Variants in CASZ1 observed in about 807,000 individuals in gnomAD.
CASZ1 encodes zinc finger protein castor homolog 1.
A neutral mutation model predicts 135.2 loss-of-function variants in CASZ1; 28 were observed. That is an observed-to-expected ratio of 0.21 (90% CI 0.15 to 0.28). The LOEUF (loss-of-function observed/expected upper bound fraction) is 0.28. Among genes scored for constraint, CASZ1 ranks in the 10% least tolerant of loss-of-function variants. CASZ1 has a pLI of 1.00. For missense variants in CASZ1, 2,161 were observed against 2,453.3 expected (o/e 0.88, Z 2.52); for synonymous variants, 1,068 against 1,073.4 (o/e 0.99, Z 0.10).
chr1:10,649,606 A>T, intron 13 of CASZ1, 169 bp from the exon 14 acceptor site: 2 of 736,660 alleles, frequency 2.7e-6, no homozygotes, highest in Non-Finnish European at 4.3e-6. Flanking sequence ...GCCCTCTCTG[A>T]ACAGAGAGCC....
At chr1:10,796,117 C>T (rs1443244249) in intron 1 of CASZ1, among the ~76,000 whole-genome samples, 2 of 151,930 alleles carry the variant, frequency 1.3e-5, no homozygotes, top group Non-Finnish European at 2.9e-5. Flanking sequence ...AGATCACCTG[C>T]CCCCCCGGGA....
At chr1:10,652,519 C>T (rs926827747) in intron 11 of CASZ1, 2 of 152,260 alleles carry the variant, frequency 1.3e-5, no homozygotes, top group East Asian at 1.9e-4. Context: ...CAAATAGGAA[C>T]TACCCAGAGC....
chr1:10,743,551 A>G (rs924554939), intron 2 of CASZ1, among the ~76,000 whole-genome samples: 2 of 150,386 alleles, frequency 1.3e-5, no homozygotes, highest in African/African-American at 2.4e-5. Flanking sequence ...CGGCAACAGG[A>G]ACAGAGTTGA....
chr1:10,660,647 C>T (rs1463926695), intron 5 of CASZ1, 111 bp from the exon 6 acceptor site: 8 of 736,676 alleles, frequency 1.1e-5, no homozygotes, highest in East Asian at 8.1e-5. Context: ...TGGGGAGGGG[C>T]GGAGCAGGAC....
In CASZ1 at chr1:10,701,526, GGGA is replaced by G. The variant is rs143171928; in HGVS notation, c.-24+3963_-24+3965del. On this transcript the variant is annotated intron_variant, in intron 3 of 20. Coordinates refer to ENST00000377022, the MANE Select transcript of CASZ1 (RefSeq NM_001079843.3). The surrounding 1 kb of genome is among the most constrained non-coding windows in gnomAD (Gnocchi z 6.3). ...TCGCCCTTCAGAGTGATGGAGTGATGGGAGGAGGGGGGGCGCGGTCAGAAGAAG... is the reference window on the plus strand; with the variant it reads ...TCGCCCTTCAGAGTGATGGAGTGATGGGAGGGGGGGCGCGGTCAGAAGAAG... Among the ~76,000 whole-genome samples, 414 of 152,280 alleles carry G rather than the reference GGGA, an allele frequency of 2.7e-3. 14 individuals carry two copies. In the East Asian group the frequency reaches 0.078, roughly 29 times the overall value.
rs1295591452 is a variant in CASZ1 at position 10,709,720 on chromosome 1, G to A, written c.-76-4176C>T. Among the ~76,000 whole-genome samples the A allele has an allele frequency of 6.6e-6, 1 of 152,204 alleles. No individual in the cohort carries two copies. The highest frequency in any genetic ancestry group is 1.5e-5 in the Non-Finnish European group (1 of 68,032). ...TGGGGAGAGAAAGGCCCCAGGCAGG[G>A]GCTGAGCAGTGCCCCGGGCAGTGCC... On this transcript the variant is annotated intron_variant, in intron 2 of 20. Transcript: ENST00000377022. This position sits in a 1 kb window ranked among gnomAD's most constrained non-coding sequence, Gnocchi z 5.1.
At chr1:10,742,684 G>A (rs1321427658) in intron 2 of CASZ1, among the ~76,000 whole-genome samples, 1 of 152,170 alleles carries the variant, frequency 6.6e-6, no homozygotes, top group Non-Finnish European at 1.5e-5. Flanking sequence ...ATGGGTTGGT[G>A]AGGAGTTAGA....
In CASZ1 at chr1:10,759,526, C is replaced by T. The variant is rs1273487554; in HGVS notation, c.-77+1175G>A. Among the ~76,000 whole-genome samples the T allele has an allele frequency of 6.6e-6, 1 of 152,182 alleles. No homozygotes were observed. The highest frequency in any genetic ancestry group is 6.5e-5 in the Admixed American group (1 of 15,282). ...CCACAGCGACCAAAGGCCACATTTG[C>T]ATCTGATTTGCAAATCTCTGGGCTG... On this transcript the variant is annotated intron_variant, in intron 2 of 20. Coordinates refer to ENST00000377022, the MANE Select transcript of CASZ1 (RefSeq NM_001079843.3). The surrounding 1 kb of genome is among the most constrained non-coding windows in gnomAD (Gnocchi z 4.2).
intron 4 of CASZ1, among the ~76,000 whole-genome samples, chr1:10,668,694 A>T (rs761190189): frequency 1.3e-5 from 2 of 152,178 alleles, no homozygotes; most frequent in African/African-American, 2.4e-5. Context: ...GGGAGTTGGG[A>T]GCTCACGGCG....
intron 10 of CASZ1, 66 bp downstream of exon 10, chr1:10,654,353 G>C: frequency 6.3e-7 from 1 of 1,586,496 alleles, no homozygotes; most frequent in Non-Finnish European, 8.6e-7. Context: ...GCCGTCCCAC[G>C]AGCCTGGGTC....
At position 10,665,150 on chromosome 1, in the gene CASZ1, C is replaced by T. The variant is rs755776758; in HGVS notation, c.438G>A (p.Leu146=). The T allele has an allele frequency of 2.0e-6, 3 of 1,537,892 alleles. No individual in the cohort carries two copies. The highest frequency in any genetic ancestry group is 2.6e-6 in the Non-Finnish European group (3 of 1,140,146). Residue 146 remains leucine (L), a synonymous_variant, in exon 5 of 21, where the codon CTG becomes CTA. Coordinates refer to ENST00000377022, the MANE Select transcript of CASZ1 (RefSeq NM_001079843.3). ...CTGCCCCGTCCGAATCCTTCTCCTC[C>T]AGGGCACCGCCGTCCTTGGAGGGCT... ...AEEPSKDGGA[L]EEKDSDGAAS...
In CASZ1 at chr1:10,639,365, G is replaced by C; in HGVS notation, c.4857C>G (p.Ser1619=). ...AGCCCGGCTCGGCGCCCAGCGACAGGGAGCCGTCCAGACTGATGGGAGGCC... is the reference window on the plus strand; with the variant it reads ...AGCCCGGCTCGGCGCCCAGCGACAGCGAGCCGTCCAGACTGATGGGAGGCC... ...APGPPISLDG[S]LSLGAEPGSL... is the part of the protein sequence containing the mutation. The change falls in exon 21 of 21, where the codon TCC becomes TCG. Residue 1619 remains serine (S), a synonymous_variant. Transcript: ENST00000377022. The surrounding 1 kb of genome is among the most constrained non-coding windows in gnomAD (Gnocchi z 4.0). 6.6e-7 allele frequency: 1 copy of C among 1,525,916 alleles called. No homozygotes were observed. The highest frequency in any genetic ancestry group is 1.2e-5 in the South Asian group (1 of 82,830). 94.5% of individuals were successfully genotyped at this position (1,525,916 alleles called of 1,614,324 possible).
At position 10,759,514 on chromosome 1, in the gene CASZ1, A is replaced by G. The variant is rs1640323445; in HGVS notation, c.-77+1187T>C. 6.6e-6 allele frequency among the ~76,000 whole-genome samples: 1 copy of G among 152,160 alleles called. No individual in the cohort carries two copies. The highest frequency in any genetic ancestry group is 1.5e-5 in the Non-Finnish European group (1 of 68,020). ...ACAGTTGCCCCACCACAGCGACCAA[A>G]GGCCACATTTGCATCTGATTTGCAA... On this transcript the variant is annotated intron_variant, in intron 2 of 20. Transcript: ENST00000377022. This position sits in a 1 kb window ranked among gnomAD's most constrained non-coding sequence, Gnocchi z 4.2.
rs771774588 is a variant in CASZ1, at chr1:10,639,975, C to T, written c.4247G>A (p.Arg1416Gln). 3 of 1,612,814 alleles carry T rather than the reference C, an allele frequency of 1.9e-6. No homozygotes were observed. Among genetic ancestry groups the T allele is most frequent in the South Asian group, 1.1e-5 (1 of 91,090 alleles). ...IEDMSPFGKR[R>Q]KTASSRKMLD... ...CATCTTCCGGGAGGACGCCGTCTTC[C>T]GCCGCTTGCCGAAGGGCGACATGTC... Residue 1416 changes from arginine to glutamine, a missense_variant, in exon 21 of 21, where the codon CGG (arginine) becomes CAG (glutamine). Arg to Gln is a conservative substitution (Grantham distance 43, BLOSUM62 1). Transcript: ENST00000377022. The surrounding 1 kb of genome is among the most constrained non-coding windows in gnomAD (Gnocchi z 4.0).
In CASZ1 at chr1:10,639,730, A is replaced by C. The variant is rs763971826; in HGVS notation, c.4492T>G (p.Ser1498Ala). ...CAGTCGGCGAAGTGGCAGCTGAGTG[A>C]GGCCTTGAAGCGCTTGAAGTCGTCC... Reference protein sequence around the residue: ...VLDDFKRFKASLSCHFADCPF... With the variant: ...VLDDFKRFKAALSCHFADCPF... Residue 1498 changes from serine to alanine, a missense_variant, in exon 21 of 21, where the codon TCA becomes GCA. Coordinates refer to ENST00000377022, the MANE Select transcript of CASZ1 (RefSeq NM_001079843.3). This position sits in a 1 kb window ranked among gnomAD's most constrained non-coding sequence, Gnocchi z 4.0. 3.8e-6 allele frequency: 6 copies of C among 1,592,676 alleles called. No homozygotes were observed. In the South Asian group the frequency reaches 5.7e-5, roughly 15 times the overall value.
chr1:10,651,715 A>C, intron 11 of CASZ1: 1 of 152,472 alleles, frequency 6.6e-6, no homozygotes, highest in Non-Finnish European at 1.5e-5. Flanking sequence ...AGTTGCTGAC[A>C]GGGCCATCCA....
At chr1:10,649,531 GACCCACCCAGCCC>G in intron 13 of CASZ1, 94 bp from the exon 14 acceptor site, 1 of 1,394,618 alleles carries the variant, frequency 7.2e-7, no homozygotes, top group Non-Finnish European at 9.7e-7. Flanking sequence ...GGGCTGCTGG[GACCCACCCAGCCC>G]TCAGAGCCAG....
At chr1:10,728,738 T>G (rs916429301) in intron 2 of CASZ1, among the ~76,000 whole-genome samples, 3 of 151,154 alleles carry the variant, frequency 2.0e-5, no homozygotes, top group Non-Finnish European at 4.4e-5. Context: ...GTTTTACAAC[T>G]GTGACCGACC....
chr1:10,642,681 G>A (rs1432018684), intron 20 of CASZ1, among the ~76,000 whole-genome samples, 178 bp downstream of exon 20: 1 of 152,262 alleles, frequency 6.6e-6, no homozygotes, highest in Non-Finnish European at 1.5e-5. Context: ...AGGGAGGCGG[G>A]AGGATGGCGG....
Sources: allele counts gnomAD v4.1 joint callset (sites outside exome capture counted in the v4.1 genomes callset), GRCh38; gene constraint gnomAD v4.1.1; non-coding constraint Gnocchi (gnomAD v3.1); transcripts MANE v1.5; gene names NCBI Gene and HGNC (gene_info 2026-07-23, HGNC 2026-07-21).